STK32B: variants seen among roughly 807,000 people sequenced by gnomAD.
STK32B encodes the protein serine/threonine kinase 32B.
Under a neutral mutation model 52.6 loss-of-function variants are expected in STK32B, and 43 were observed. That is an observed-to-expected ratio of 0.82 (90% CI 0.64 to 1.05). The LOEUF (loss-of-function observed/expected upper bound fraction) is 1.05, where lower values mean the gene tolerates loss of function less well. Among genes scored for constraint, STK32B ranks in the 50% least tolerant of loss-of-function variants. The probability of loss-of-function intolerance (pLI) is 0.00; values close to 1 mark genes in which losing one functional copy is unlikely to be tolerated. For synonymous variants in STK32B, 238 were observed against 204.3 expected, an observed-to-expected ratio of 1.17 and a Z score of -1.41; for missense variants, 621 against 534.6, an observed-to-expected ratio of 1.16 and a Z score of -1.59.
chr4:5,349,502 G>A (rs1439994472), intron 4 of STK32B, among the ~76,000 whole-genome samples: 1 of 151,646 alleles, frequency 6.6e-6, no homozygotes, highest in East Asian at 1.9e-4. Context: ...CCCTATGAAA[G>A]CAAATTCAAA....
intron 2 of STK32B, among the ~76,000 whole-genome samples, chr4:5,158,791 T>C (rs1245235194): frequency 6.6e-6 from 1 of 152,166 alleles, no homozygotes; most frequent in Admixed American, 6.5e-5. Context: ...CCGATCCCTC[T>C]TCTTACAAGA....
chr4:5,102,460 C>G (rs1166259867), intron 1 of STK32B, among the ~76,000 whole-genome samples: 1 of 124,560 alleles, frequency 8.0e-6, no homozygotes, highest in Admixed American at 8.3e-5. Flanking sequence ...TTCCTTCCTT[C>G]CTTCCTTCCT....
intron 11 of STK32B, among the ~76,000 whole-genome samples, chr4:5,495,646 G>A (rs1196853522): frequency 6.6e-6 from 1 of 152,120 alleles, no homozygotes; most frequent in Non-Finnish European, 1.5e-5. Context: ...GAGGAGGAGA[G>A]GCACTCTGCT....
intron 6 of STK32B, among the ~76,000 whole-genome samples, chr4:5,427,193 C>T (rs2109085988): frequency 6.6e-6 from 1 of 152,286 alleles, no homozygotes; most frequent in East Asian, 1.9e-4. Context: ...TGAAATACTG[C>T]TGACTGACTT....
Position 5,334,456 on chromosome 4 carries a change from G to T in STK32B, c.434+3063G>T, listed in dbSNP as rs555865702. Reference sequence around the variant, plus strand: ...AATTTGACATCCTCTTTTCCTAATTGAATACCCTTTATTTCCTTCTCCTGC... The same window carrying T: ...AATTTGACATCCTCTTTTCCTAATTTAATACCCTTTATTTCCTTCTCCTGC... On this transcript the variant is annotated intron_variant, in intron 4 of 11. Transcript: ENST00000282908. Among the ~76,000 whole-genome samples the T allele has an allele frequency of 6.6e-5, 10 of 152,148 alleles. No homozygotes were observed. In the South Asian group the frequency reaches 1.9e-3, roughly 28 times the overall value.
At chr4:5,184,864 G>A (rs1385413971) in intron 3 of STK32B, among the ~76,000 whole-genome samples, 4 of 152,170 alleles carry the variant, frequency 2.6e-5, no homozygotes, top group Admixed American at 2.6e-4. Flanking sequence ...CAGGGTTGCC[G>A]TGCACCTCCA....
chr4:5,055,865 TTA>T (rs1491482142), intron 1 of STK32B, among the ~76,000 whole-genome samples: 41 of 142,676 alleles, frequency 2.9e-4, no homozygotes, highest in East Asian at 1.3e-3. Context: ...TTTCCTTGCT[TTA>T]TTTTTTTTTG....
At chr4:5,451,115 C>T (rs1318043791) in intron 7 of STK32B, among the ~76,000 whole-genome samples, 1 of 152,204 alleles carries the variant, frequency 6.6e-6, no homozygotes, top group Non-Finnish European at 1.5e-5. Flanking sequence ...TAGGCGGTGT[C>T]TGGCACACAG....
At chr4:5,062,700 G>C (rs1157560349) in intron 1 of STK32B, among the ~76,000 whole-genome samples, 1 of 152,048 alleles carries the variant, frequency 6.6e-6, no homozygotes, top group African/African-American at 2.4e-5. Flanking sequence ...AGTAGAGATG[G>C]GGTTTCACCA....
chr4:5,098,478 G>C (rs1713520083), intron 1 of STK32B, among the ~76,000 whole-genome samples: 1 of 152,220 alleles, frequency 6.6e-6, no homozygotes, highest in African/African-American at 2.4e-5. Context: ...TCATGAGTAT[G>C]TGGTATGCAT....
At chr4:5,179,603 A>G (rs1218597391) in intron 3 of STK32B, among the ~76,000 whole-genome samples, 1 of 152,182 alleles carries the variant, frequency 6.6e-6, no homozygotes, top group Admixed American at 6.5e-5. Flanking sequence ...AGATAAATAG[A>G]TGATTGATAG....
At position 5,256,049 on chromosome 4, in the gene STK32B, G is replaced by A. The variant is rs191964906; in HGVS notation, c.261-75171G>A. On this transcript the variant is annotated intron_variant, in intron 3 of 11. Transcript: ENST00000282908. ...CTGAATCTAAATGGTTACTTTGGTT[G>A]TCTAATACTCTGAGATTAGAAGAAG... Among the ~76,000 whole-genome samples, 163 of 152,264 alleles carry A rather than the reference G, an allele frequency of 1.1e-3. 1 individual carries two copies. The highest frequency in any genetic ancestry group is 3.8e-3 in the African/African-American group (157 of 41,552).
chr4:5,279,000 A>G (rs188003073), intron 3 of STK32B, among the ~76,000 whole-genome samples: 30 of 152,254 alleles, frequency 2.0e-4, no homozygotes, highest in Non-Finnish European at 3.5e-4. Flanking sequence ...GACAATTACA[A>G]TTTGACATGA....
At chr4:5,431,051 G>A (rs1031244073) in intron 6 of STK32B, among the ~76,000 whole-genome samples, 1 of 152,172 alleles carries the variant, frequency 6.6e-6, no homozygotes, top group African/African-American at 2.4e-5. Context: ...GGGGATCTTA[G>A]GGGTGATCCT....
intron 4 of STK32B, among the ~76,000 whole-genome samples, chr4:5,366,107 G>A (rs544000001): frequency 1.2e-3 from 185 of 152,146 alleles, no homozygotes; most frequent in Non-Finnish European, 4.6e-4. Flanking sequence ...AAGAGAGCAG[G>A]AGAGGTGGTG....
rs2109044178 is a variant in STK32B at position 5,396,972 on chromosome 4, G to A, written c.435-1235G>A. ...AGGCTTTGTGACCTCGGCAGCAGGG[G>A]CCCACGTACTCAATGCTCCTCGGTA... On this transcript the variant is annotated intron_variant, in intron 4 of 11. Coordinates refer to ENST00000282908, the MANE Select transcript of STK32B (RefSeq NM_018401.3). The surrounding 1 kb of genome is among the most constrained non-coding windows in gnomAD (Gnocchi z 4.7). Among the ~76,000 whole-genome samples, 1 of 152,290 alleles carries A rather than the reference G, an allele frequency of 6.6e-6. No homozygotes were observed. The highest frequency in any genetic ancestry group is 2.1e-4 in the South Asian group (1 of 4,824).
At chr4:5,124,561 A>C (rs1046703850) in intron 1 of STK32B, among the ~76,000 whole-genome samples, 1 of 152,236 alleles carries the variant, frequency 6.6e-6, no homozygotes, top group Non-Finnish European at 1.5e-5. Context: ...GAAATACAAA[A>C]AAACAGAAGA....
At chr4:5,454,542 A>G (rs115208824) in intron 7 of STK32B, among the ~76,000 whole-genome samples, 1,818 of 152,242 alleles carry the variant, frequency 0.012, 29 homozygotes, top group Non-Finnish European at 0.014. Context: ...GAAAGAGCCT[A>G]TGTCCAAATA....
intron 4 of STK32B, among the ~76,000 whole-genome samples, chr4:5,341,056 C>G (rs761742305): frequency 4.6e-5 from 7 of 152,200 alleles, no homozygotes; most frequent in Non-Finnish European, 1.0e-4. Flanking sequence ...ACTGAGCATA[C>G]AGCTCCCTTA....
Sources: allele counts gnomAD v4.1 joint callset (sites outside exome capture counted in the v4.1 genomes callset), GRCh38; gene constraint gnomAD v4.1.1; non-coding constraint Gnocchi (gnomAD v3.1); transcripts MANE v1.5; gene names NCBI Gene and HGNC (gene_info 2026-07-23, HGNC 2026-07-21).